Variants in RIMS2 observed in about 807,000 individuals in gnomAD.
The protein encoded by RIMS2 is regulating synaptic membrane exocytosis protein 2.
Under a neutral mutation model 174.4 loss-of-function variants are expected in RIMS2, and 59 were observed. The ratio of observed to expected loss-of-function variants is 0.34; its 90% CI spans 0.27 to 0.42. RIMS2 has a LOEUF of 0.42. RIMS2 is among the 10% of genes least tolerant of loss of function. The pLI, the probability that RIMS2 is intolerant of heterozygous loss-of-function variation, is 1.00. For missense variants in RIMS2, 1,620 were observed against 1,666.3 expected, an observed-to-expected ratio of 0.97 and a Z score of 0.48; for synonymous variants, 606 against 572.5, an observed-to-expected ratio of 1.06 and a Z score of -0.84.
chr8:104,112,391 A>G (rs941184168), intron 19 of RIMS2, among the ~76,000 whole-genome samples: 8 of 152,068 alleles, frequency 5.3e-5, no homozygotes, highest in African/African-American at 1.9e-4. Context: ...ATATATGTAT[A>G]TATTTATGTA....
chr8:103,696,970 T>C, intron 1 of RIMS2, 116 bp from the exon 4 acceptor site: 1 of 654,270 alleles, frequency 1.5e-6, no homozygotes, highest in Non-Finnish European at 2.7e-6. Flanking sequence ...ATTTTCATTC[T>C]TTTTATTCTC....
intron 14 of RIMS2, among the ~76,000 whole-genome samples, chr8:103,949,124 CAAAAAAAAAAAA>C (rs533642917): frequency 0.027 from 1,170 of 44,094 alleles, 28 homozygotes; most frequent in African/African-American, 0.08. Flanking sequence ...GAGACTCTGT[CAAAAAAAAAAAA>C]AAAAAAAAAA....
At chr8:103,677,415 A>G (rs2096828673) in intron 1 of RIMS2, among the ~76,000 whole-genome samples, 1 of 152,168 alleles carries the variant, frequency 6.6e-6, no homozygotes, top group Non-Finnish European at 1.5e-5. Context: ...TAATTATCAG[A>G]TAGAGTGTGA....
chr8:103,506,310 G>T (rs1823585604), intron 1 of RIMS2, among the ~76,000 whole-genome samples: 1 of 152,024 alleles, frequency 6.6e-6, no homozygotes. Context: ...CTTGACAATA[G>T]ATTTTGATAA....
intron 3 of RIMS2, among the ~76,000 whole-genome samples, chr8:103,770,041 A>G (rs1244665040): frequency 6.6e-6 from 1 of 152,204 alleles, no homozygotes; most frequent in Non-Finnish European, 1.5e-5. Flanking sequence ...TTTAAAATGC[A>G]GATTATACAG....
chr8:104,237,480 T>A (rs1390682320), intron 19 of RIMS2, among the ~76,000 whole-genome samples: 1 of 152,124 alleles, frequency 6.6e-6, no homozygotes, highest in African/African-American at 2.4e-5. Context: ...CATGGGTTAG[T>A]TTTGCTCACA....
intron 19 of RIMS2, among the ~76,000 whole-genome samples, chr8:104,038,684 A>G (rs988720974): frequency 2.0e-5 from 3 of 151,858 alleles, no homozygotes; most frequent in Non-Finnish European, 3.0e-5. Context: ...GCATATTATC[A>G]TTTGCCTAAG....
intron 2 of RIMS2, among the ~76,000 whole-genome samples, chr8:103,729,247 TC>T (rs1482270140): frequency 6.6e-6 from 1 of 152,162 alleles, no homozygotes; most frequent in African/African-American, 2.4e-5. Context: ...GGCTTTGATC[TC>T]ATTACTTGTT....
intron 2 of RIMS2, among the ~76,000 whole-genome samples, chr8:103,698,518 GT>G (rs1356819441): frequency 1.3e-5 from 2 of 151,976 alleles, no homozygotes; most frequent in African/African-American, 4.8e-5. Context: ...TTTTTATTTT[GT>G]TTTTTAATGT....
intron 15 of RIMS2, among the ~76,000 whole-genome samples, chr8:103,967,564 C>A (rs181086813): frequency 6.6e-6 from 1 of 151,844 alleles, no homozygotes; most frequent in African/African-American, 2.4e-5. Context: ...GCAATCTTGG[C>A]TCACTGCAAC....
chr8:104,024,468 T>C (rs895262011), intron 19 of RIMS2, among the ~76,000 whole-genome samples: 1 of 152,226 alleles, frequency 6.6e-6, no homozygotes, highest in Non-Finnish European at 1.5e-5. Flanking sequence ...TGTGTTGATA[T>C]ACCATGCCTC....
intron 1 of RIMS2, among the ~76,000 whole-genome samples, chr8:103,608,315 G>A (rs2095222228): frequency 7.0e-6 from 1 of 143,576 alleles, no homozygotes; most frequent in Non-Finnish European, 1.5e-5. Context: ...CTGCTCGGGG[G>A]TCAGGGACCC....
intron 2 of RIMS2, among the ~76,000 whole-genome samples, chr8:103,737,778 T>A (rs1159692039): frequency 6.6e-6 from 1 of 152,174 alleles, no homozygotes; most frequent in Non-Finnish European, 1.5e-5. Flanking sequence ...GGAATGCACT[T>A]CACCAGATTT....
At chr8:103,797,597 A>G (rs2098558145) in intron 3 of RIMS2, among the ~76,000 whole-genome samples, 1 of 152,294 alleles carries the variant, frequency 6.6e-6, no homozygotes, top group South Asian at 2.1e-4. Context: ...TCTTTGTGAA[A>G]CCATCTTAAC....
At chr8:103,650,887 G>T (rs960321764) in intron 1 of RIMS2, among the ~76,000 whole-genome samples, 3 of 152,224 alleles carry the variant, frequency 2.0e-5, no homozygotes, top group African/African-American at 7.2e-5. Context: ...AAGCCAGTGG[G>T]TCCCAACTTG....
intron 15 of RIMS2, 62 bp downstream of exon 17, chr8:103,961,195 A>G (rs1033897663): frequency 8.8e-6 from 7 of 799,706 alleles, no homozygotes; most frequent in South Asian, 8.6e-5. Flanking sequence ...ATCATTTACC[A>G]TAAAAGTAAA....
intron 16 of RIMS2, among the ~76,000 whole-genome samples, chr8:103,982,966 T>G (rs1234887383): frequency 6.6e-6 from 1 of 152,200 alleles, no homozygotes; most frequent in East Asian, 1.9e-4. Context: ...AAGTTATCCT[T>G]GCTTGCAGAT....
chr8:103,770,563 C>T (rs548078147), intron 3 of RIMS2, among the ~76,000 whole-genome samples: 8 of 151,944 alleles, frequency 5.3e-5, no homozygotes, highest in African/African-American at 1.4e-4. Flanking sequence ...GCAACAAGAG[C>T]GAAACTCTGT....
chr8:103,912,209 T>A, intron 6 of RIMS2, 37 bp downstream of exon 9: 1 of 1,523,522 alleles, frequency 6.6e-7, no homozygotes, highest in Non-Finnish European at 8.9e-7. Flanking sequence ...GGCTCTATAC[T>A]CTTACAGATT....
Sources: gnomAD v4.1 joint callset for allele counts (sites outside exome capture counted in the v4.1 genomes callset) on GRCh38, gnomAD v4.1.1 for gene constraint, MANE v1.5 for transcripts, NCBI Gene and HGNC (gene_info 2026-07-23, HGNC 2026-07-21) for gene names.